The following AXDND1 variants were observed in gnomAD, a reference collection of about 807,000 sequenced individuals.
AXDND1 encodes axonemal dynein light chain domain-containing protein 1.
Under a neutral mutation model 137.5 loss-of-function variants are expected in AXDND1, and 110 were observed. The observed-to-expected ratio is 0.80, with a 90% CI of 0.69 to 0.94. The LOEUF is 0.94. AXDND1 is among the 40% of genes least tolerant of loss of function. AXDND1 has a pLI of 0.00. For missense variants in AXDND1, 1,191 were observed against 1,169.8 expected (o/e 1.02, Z -0.26); for synonymous variants, 414 against 399.7 (o/e 1.04, Z -0.43).
At chr1:179,376,222 A>G (rs1189302898) in intron 4 of AXDND1, among the ~76,000 whole-genome samples, 2 of 152,158 alleles carry the variant, frequency 1.3e-5, no homozygotes, top group Admixed American at 1.3e-4. Context: ...CTTCAACTGT[A>G]TATTCAGTCA....
intron 7 of AXDND1, among the ~76,000 whole-genome samples, chr1:179,383,101 T>A (rs539927305): frequency 6.6e-6 from 1 of 152,236 alleles, no homozygotes; most frequent in Admixed American, 6.5e-5. Flanking sequence ...TTCTCTCACA[T>A]TGTGAGGTAA....
chr1:179,423,182 A>G lies in AXDND1; in HGVS notation c.1231-6336A>G, dbSNP rs78785788. Among the ~76,000 whole-genome samples, 1,037 of 139,228 alleles carry G rather than the reference A, an allele frequency of 7.4e-3. 13 individuals are homozygous for G. Among genetic ancestry groups the G allele is most frequent in the African/African-American group, 0.025 (936 of 37,702 alleles). The allele number at this position is 139,228 out of a possible 152,430, so 91.3% of individuals were successfully genotyped here. On this transcript the variant is annotated intron_variant, in intron 12 of 25. Coordinates refer to ENST00000367618, the MANE Select transcript of AXDND1 (RefSeq NM_144696.6). ...ATCTTTTTGCTGAATTGAATCCTTTATAATTATATAGTAACCTTTTTTTTT... is the reference window on the plus strand; with the variant it reads ...ATCTTTTTGCTGAATTGAATCCTTTGTAATTATATAGTAACCTTTTTTTTT...
Position 179,465,751 on chromosome 1 carries a change from G to A in AXDND1, c.1799-2692G>A, listed in dbSNP as rs564432828. Among the ~76,000 whole-genome samples, 5 of 152,338 alleles carry A rather than the reference G, an allele frequency of 3.3e-5. No individual in the cohort carries two copies. In the East Asian group the frequency reaches 9.7e-4, roughly 29 times the overall value. On this transcript the variant is annotated intron_variant, in intron 16 of 25. Transcript: ENST00000367618. ...TCTGCAGAGGCAGGTGGGCCTCCTTGAGCTGTGGTGGGCTCCACCCAATTC... is the reference window on the plus strand; with the variant it reads ...TCTGCAGAGGCAGGTGGGCCTCCTTAAGCTGTGGTGGGCTCCACCCAATTC...
At chr1:179,372,974 C>T (rs774920065) in intron 4 of AXDND1, among the ~76,000 whole-genome samples, 5 of 152,130 alleles carry the variant, frequency 3.3e-5, no homozygotes, top group South Asian at 2.1e-4. Flanking sequence ...TGAGCTACCA[C>T]GCCTGGCCCT....
At chr1:179,389,480 T>G (rs1234742299) in intron 9 of AXDND1, among the ~76,000 whole-genome samples, 1 of 152,174 alleles carries the variant, frequency 6.6e-6, no homozygotes, top group African/African-American at 2.4e-5. Flanking sequence ...AAAGAAGATT[T>G]GTATGTGCTC....
At chr1:179,543,904 C>G (rs1021956661) in intron 25 of AXDND1, 9 of 152,588 alleles carry the variant, frequency 5.9e-5, no homozygotes, top group Non-Finnish European at 1.3e-4. Flanking sequence ...GATATTATTA[C>G]TACAATATTC....
intron 15 of AXDND1, 83 bp from the exon 16 acceptor site, chr1:179,444,887 C>T: frequency 1.1e-6 from 1 of 893,954 alleles, no homozygotes; most frequent in East Asian, 2.5e-5. Context: ...AATTGGGAGT[C>T]ACTGGGGAAT....
intron 15 of AXDND1, among the ~76,000 whole-genome samples, chr1:179,443,648 T>C (rs2125361320): frequency 6.6e-6 from 1 of 152,312 alleles, no homozygotes; most frequent in South Asian, 2.1e-4. Flanking sequence ...AGTGGAATCA[T>C]ACAGTATTTT....
intron 11 of AXDND1, among the ~76,000 whole-genome samples, chr1:179,409,347 G>T (rs1653491385): frequency 6.6e-6 from 1 of 151,658 alleles, no homozygotes; most frequent in African/African-American, 2.4e-5. Context: ...GGAGTTTTTT[G>T]GTGCCACTTT....
At chr1:179,532,313 T>C (rs919619470) in intron 23 of AXDND1, among the ~76,000 whole-genome samples, 1 of 152,142 alleles carries the variant, frequency 6.6e-6, no homozygotes, top group Non-Finnish European at 1.5e-5. Flanking sequence ...ACAATCCTGG[T>C]TTACCTTGGA....
intron 15 of AXDND1, among the ~76,000 whole-genome samples, chr1:179,442,759 G>A (rs1659172724): frequency 6.6e-6 from 1 of 152,128 alleles, no homozygotes; most frequent in Non-Finnish European, 1.5e-5. Context: ...TAGTTCCTCT[G>A]TTCCAGCAGA....
chr1:179,462,202 T>G (rs1662429921), intron 16 of AXDND1, among the ~76,000 whole-genome samples: 1 of 152,200 alleles, frequency 6.6e-6, no homozygotes, highest in African/African-American at 2.4e-5. Context: ...TAGCTCTTAT[T>G]ATTTTGAGAT....
At chr1:179,468,669 T>C in intron 17 of AXDND1, 28 bp downstream of exon 17, 1 of 1,547,758 alleles carries the variant, frequency 6.5e-7, no homozygotes. Flanking sequence ...TCTTTTGTTC[T>C]GAGATAATTT....
In AXDND1 at chr1:179,534,774, A is replaced by G. The variant is rs143297876; in HGVS notation, c.2843A>G (p.Asp948Gly). The G allele has an allele frequency of 6.1e-4, 977 of 1,599,714 alleles. No individual in the cohort carries two copies. Among genetic ancestry groups the G allele is most frequent in the Middle Eastern group, 8.4e-4 (5 of 5,978 alleles). ...RARQAEEKFEDAYEKLHHTLI... is the reference protein window; with the variant it reads ...RARQAEEKFEGAYEKLHHTLI... ...AGACAGGCAGAGGAGAAGTTTGAAGATGCATATGAGAAACTTCATCATACC... is the reference window on the plus strand; with the variant it reads ...AGACAGGCAGAGGAGAAGTTTGAAGGTGCATATGAGAAACTTCATCATACC... Residue 948 changes from aspartate to glycine, a missense_variant, in exon 25 of 26, where the codon GAT becomes GGT. Asp to Gly is a moderately conservative substitution (Grantham distance 94). Coordinates refer to ENST00000367618, the MANE Select transcript of AXDND1 (RefSeq NM_144696.6).
At chr1:179,369,131 G>T (rs948822464) in intron 3 of AXDND1, among the ~76,000 whole-genome samples, 159 bp downstream of exon 3, 3 of 152,192 alleles carry the variant, frequency 2.0e-5, no homozygotes, top group Admixed American at 1.3e-4. Flanking sequence ...AGGCTGGAGA[G>T]TAGTGGCCTG....
intron 17 of AXDND1, 64 bp downstream of exon 17, chr1:179,468,705 T>A: frequency 7.9e-7 from 1 of 1,273,004 alleles, no homozygotes; most frequent in Non-Finnish European, 1.1e-6. Context: ...GCAATACACT[T>A]CATATATAAT....
chr1:179,388,121 A>G (rs1649521959), intron 9 of AXDND1, among the ~76,000 whole-genome samples: 1 of 152,134 alleles, frequency 6.6e-6, no homozygotes, highest in Non-Finnish European at 1.5e-5. Context: ...GCACAATTGT[A>G]GGGTTTGCTT....
intron 20 of AXDND1, among the ~76,000 whole-genome samples, chr1:179,503,414 G>A (rs12098040): frequency 0.01 from 1,596 of 152,024 alleles, 33 homozygotes; most frequent in African/African-American, 0.035. Context: ...TAGGAAAATA[G>A]TATCATTAAT....
chr1:179,484,129 A>G (rs79271378), intron 18 of AXDND1, among the ~76,000 whole-genome samples: 3,697 of 152,276 alleles, frequency 0.024, 163 homozygotes, highest in African/African-American at 0.084. Flanking sequence ...AAAGTGAGCT[A>G]AGCAGGCGAG....
Sources: gnomAD v4.1 joint callset for allele counts (sites outside exome capture counted in the v4.1 genomes callset) on GRCh38, gnomAD v4.1.1 for gene constraint, MANE v1.5 for transcripts, NCBI Gene and HGNC (gene_info 2026-07-23, HGNC 2026-07-21) for gene names.